The following LRRC8C variants were observed in gnomAD, a reference collection of about 807,000 sequenced individuals.
LRRC8C encodes the protein leucine rich repeat containing 8 VRAC subunit C, also known as volume-regulated anion channel subunit LRRC8C.
LRRC8C carries 20 observed loss-of-function variants against 55.3 expected under a neutral mutation model. The ratio of observed to expected loss-of-function variants is 0.36; its 90% CI spans 0.25 to 0.53. LRRC8C has a LOEUF of 0.53. Ranked by LOEUF, LRRC8C falls within the 20% of genes least tolerant of loss-of-function variation. The pLI, the probability that LRRC8C is intolerant of heterozygous loss-of-function variation, is 0.92. For missense variants in LRRC8C, 659 were observed against 951.4 expected (o/e 0.69, Z 4.04); for synonymous variants, 376 against 360.7 (o/e 1.04, Z -0.48).
At chr1:89,666,209 A>C (rs2101225384) in intron 1 of LRRC8C, among the ~76,000 whole-genome samples, 1 of 152,246 alleles carries the variant, frequency 6.6e-6, no homozygotes, top group African/African-American at 2.4e-5. Context: ...AAACATGTAC[A>C]TTCCCTTCTT....
chr1:89,664,712 A>G (rs191854605), intron 1 of LRRC8C, among the ~76,000 whole-genome samples: 1 of 152,366 alleles, frequency 6.6e-6, no homozygotes, highest in East Asian at 1.9e-4. Flanking sequence ...GATAGCATTG[A>G]ATCTATAAAA....
At chr1:89,688,290 C>T (rs534318995) in intron 2 of LRRC8C, among the ~76,000 whole-genome samples, 5 of 152,178 alleles carry the variant, frequency 3.3e-5, no homozygotes, top group South Asian at 2.1e-4. Context: ...GAACCTACTG[C>T]GTATCAGGCA....
rs371897018 is a variant in LRRC8C at position 89,711,488 on chromosome 1, C to G, written c.139-1221C>G. On this transcript the variant is annotated intron_variant, in intron 2 of 2. Coordinates refer to ENST00000370454, the MANE Select transcript of LRRC8C (RefSeq NM_032270.5). ...ATTTTAAGGTACAAATAGACTTTCC[C>G]TGCGTTATTAATTCCACATGTCATT... Among the ~76,000 whole-genome samples the G allele has an allele frequency of 5.3e-5, 8 of 152,318 alleles. No individual in the cohort carries two copies. In the East Asian group the frequency reaches 1.5e-3, roughly 29 times the overall value.
the LRRC8C span, among the ~76,000 whole-genome samples, chr1:89,621,318 AATT>A: frequency 7.2e-6 from 1 of 137,956 alleles, no homozygotes; most frequent in Non-Finnish European, 1.5e-5. Flanking sequence ...AAAAAAAAAA[AATT>A]AGCCAGGCGT....
chr1:89,695,161 A>G (rs940785321), intron 2 of LRRC8C, among the ~76,000 whole-genome samples: 33 of 152,144 alleles, frequency 2.2e-4, no homozygotes, highest in African/African-American at 8.0e-4. Flanking sequence ...ACCTCAGGTG[A>G]TCTGCCCCCC....
chr1:89,715,018 C>A lies in LRRC8C; in HGVS notation c.*36C>A. On this transcript the variant is annotated 3_prime_UTR_variant, in exon 3 of 3. Transcript: ENST00000370454. ...GTTAAAGTTTGACTGAAACACGCTT[C>A]TACCAAATACAGTATAAATAATTAG... 1 of 1,436,862 alleles carries A rather than the reference C, an allele frequency of 7.0e-7. No homozygotes were observed. The highest frequency in any genetic ancestry group is 9.4e-7 in the Non-Finnish European group (1 of 1,061,444). The allele number at this position is 1,436,862 out of a possible 1,614,324, so 89.0% of individuals were successfully genotyped here. A position where few individuals can be genotyped will look rare whatever the true frequency, so the allele number is the denominator to read the frequency against.
In LRRC8C at chr1:89,713,135, A is replaced by G; in HGVS notation, c.565A>G (p.Arg189Gly). 6.2e-7 allele frequency: 1 copy of G among 1,614,004 alleles called. No homozygotes were observed. The highest frequency in any genetic ancestry group is 8.5e-7 in the Non-Finnish European group (1 of 1,180,048). The change falls in exon 3 of 3, where the codon AGG becomes GGG. Residue 189 changes from arginine (R) to glycine (G), a missense_variant. Physicochemically the swap from Arg to Gly is moderately radical, Grantham distance 125 (BLOSUM62 -2). This residue lies in a region of LRRC8C where 200 missense variants were observed against 360.5 expected (regional missense o/e 0.55). Coordinates refer to ENST00000370454, the MANE Select transcript of LRRC8C (RefSeq NM_032270.5). This position sits in a 1 kb window ranked among gnomAD's most constrained non-coding sequence, Gnocchi z 5.2. The part of the protein sequence containing the change: ...SGEDSEEKDN[R>G]KNNMNRSNTI... ...GGAGGACTCAGAAGAAAAGGACAAC[A>G]GGAAGAACAACATGAACAGGTCCAA...
chr1:89,651,962 A>C (rs1183002214), intron 1 of LRRC8C, among the ~76,000 whole-genome samples: 1 of 152,210 alleles, frequency 6.6e-6, no homozygotes, highest in Admixed American at 6.5e-5. Flanking sequence ...TCAATTACAG[A>C]AGCATTTTGT....
intron 1 of LRRC8C, among the ~76,000 whole-genome samples, chr1:89,634,010 C>T (rs1053477592): frequency 6.6e-6 from 1 of 152,190 alleles, no homozygotes; most frequent in Non-Finnish European, 1.5e-5. Flanking sequence ...GAGTTAGCAA[C>T]TCAGGAGCCT....
chr1:89,679,660 T>G (rs1209292706), intron 1 of LRRC8C, among the ~76,000 whole-genome samples: 1 of 152,238 alleles, frequency 6.6e-6, no homozygotes, highest in East Asian at 1.9e-4. Context: ...TCCTATTTCA[T>G]GTGCTCAGGA....
At chr1:89,680,332 C>T (rs878946789) in intron 1 of LRRC8C, among the ~76,000 whole-genome samples, 1 of 152,150 alleles carries the variant, frequency 6.6e-6, no homozygotes, top group Non-Finnish European at 1.5e-5. Flanking sequence ...CCACCTCGGC[C>T]TCCCAAAGTG....
chr1:89,618,565 C>T, the LRRC8C span, among the ~76,000 whole-genome samples: 1 of 152,170 alleles, frequency 6.6e-6, no homozygotes, highest in Admixed American at 6.5e-5. Context: ...GAGACAGTGG[C>T]CACTAGGTAG....
intron 1 of LRRC8C, among the ~76,000 whole-genome samples, chr1:89,685,219 C>T (rs941455194): frequency 1.0e-4 from 15 of 148,372 alleles, no homozygotes; most frequent in South Asian, 2.2e-4. Context: ...CCCGGGTTCA[C>T]GCCATTCTCC....
At chr1:89,616,146 T>C in the LRRC8C span, among the ~76,000 whole-genome samples, 12 of 152,160 alleles carry the variant, frequency 7.9e-5, no homozygotes, top group African/African-American at 2.9e-4. Context: ...CTGGGCACTA[T>C]ATGCCAGGTC....
At chr1:89,646,479 T>C (rs1031986483) in intron 1 of LRRC8C, among the ~76,000 whole-genome samples, 4 of 152,156 alleles carry the variant, frequency 2.6e-5, no homozygotes, top group African/African-American at 9.6e-5. Context: ...TGGTTTAACA[T>C]TCAAAAATCA....
At chr1:89,683,250 G>A (rs1294704543) in intron 1 of LRRC8C, among the ~76,000 whole-genome samples, 1 of 151,978 alleles carries the variant, frequency 6.6e-6, no homozygotes, top group Non-Finnish European at 1.5e-5. Flanking sequence ...GTGATCCAAT[G>A]TTTTCCAAAT....
chr1:89,654,898 A>G (rs1459039352), intron 1 of LRRC8C, among the ~76,000 whole-genome samples: 2 of 138,544 alleles, frequency 1.4e-5, no homozygotes, highest in African/African-American at 5.3e-5. Flanking sequence ...TTTTGAGACA[A>G]GGTCTTGCTA....
At chr1:89,707,359 A>T (rs1326871454) in intron 2 of LRRC8C, among the ~76,000 whole-genome samples, 1 of 151,382 alleles carries the variant, frequency 6.6e-6, no homozygotes, top group African/African-American at 2.5e-5. Flanking sequence ...GTGAGCTGAG[A>T]TTGCGCCACT....
In LRRC8C at chr1:89,714,951, C is replaced by G. The variant is rs1658772338; in HGVS notation, c.2381C>G (p.Ser794Cys). The change falls in exon 3 of 3, where the codon TCT (serine) becomes TGT (cysteine). Residue 794 changes from serine to cysteine, a missense_variant. Ser to Cys is a moderately radical substitution (Grantham distance 112). Coordinates refer to ENST00000370454, the MANE Select transcript of LRRC8C (RefSeq NM_032270.5). This position sits in a 1 kb window ranked among gnomAD's most constrained non-coding sequence, Gnocchi z 4.6. ...VEDALFETLP[S>C]DVREQMKTE ...GATGCTCTGTTTGAAACTCTGCCTT[C>G]TGACGTCCGGGAGCAAATGAAAACA... The G allele has an allele frequency of 1.3e-6, 2 of 1,589,470 alleles. No individual in the cohort carries two copies. Among genetic ancestry groups the G allele is most frequent in the East Asian group, 4.5e-5 (2 of 44,680 alleles).
Sources: allele counts gnomAD v4.1 joint callset (sites outside exome capture counted in the v4.1 genomes callset), GRCh38; gene constraint gnomAD v4.1.1; regional missense constraint gnomAD v4.1.1; non-coding constraint Gnocchi (gnomAD v3.1); transcripts MANE v1.5; gene names NCBI Gene and HGNC (gene_info 2026-07-23, HGNC 2026-07-21).